Variants in ZNF229 observed in about 807,000 individuals in gnomAD.
ZNF229 encodes zinc finger protein 229.
Under a neutral mutation model 11.8 loss-of-function variants are expected in ZNF229, and 10 were observed. The ratio of observed to expected loss-of-function variants is 0.85; its 90% CI spans 0.52 to 1.44. The LOEUF (loss-of-function observed/expected upper bound fraction) is 1.44, where lower values mean the gene tolerates loss of function less well. Among genes scored for constraint, ZNF229 ranks in the 40% most tolerant of loss-of-function variants. The pLI is 0.00. For synonymous variants in ZNF229, 368 were observed against 374.8 expected, an observed-to-expected ratio of 0.98 and a Z score of 0.21; for missense variants, 1,045 against 1,015.1, an observed-to-expected ratio of 1.03 and a Z score of -0.40.
Position 44,428,129 on chromosome 19 carries a change from GCTAAC to G in ZNF229, c.*169_*173del. 1 of 673,764 alleles carries G rather than the reference GCTAAC, an allele frequency of 1.5e-6. No individual in the cohort carries two copies. The highest frequency in any genetic ancestry group is 2.4e-6 in the Non-Finnish European group (1 of 411,330). The allele number at this position is 673,764 out of a possible 1,614,324, so 41.7% of individuals were successfully genotyped here. ...AAAGACTGAAGTTTGTAACTGAAGT[GCTAAC>G]CTATTTATCACACATCCAGGTGTTC... On this transcript the variant is annotated 3_prime_UTR_variant, in exon 6 of 6. Coordinates refer to ENST00000614049, the MANE Select transcript of ZNF229 (RefSeq NM_014518.4).
rs1971667397 is a variant in ZNF229 at position 44,429,550 on chromosome 19, CA to C, written c.1230del (p.Cys410TrpfsTer410). 1 of 1,613,666 alleles carries C rather than the reference CA, an allele frequency of 6.2e-7. No individual in the cohort carries two copies. The highest frequency in any genetic ancestry group is 8.5e-7 in the Non-Finnish European group (1 of 1,179,854). On this transcript the variant is annotated frameshift_variant, in exon 6 of 6. Transcript: ENST00000614049. LOFTEE classifies it low-confidence loss of function (END_TRUNC). ...TGEKPYKCSE[C>X]GKGFSYSSVL... ...ACTGAGCTGTAACTGAAGCCCTTCCCACACTCGCTGCATTTATATGGTTTCT... is the reference window on the plus strand; with the variant it reads ...ACTGAGCTGTAACTGAAGCCCTTCCCCACTCGCTGCATTTATATGGTTTCT...
At chr19:44,437,492 A>G (rs1327153804) in intron 4 of ZNF229, among the ~76,000 whole-genome samples, 1 of 152,230 alleles carries the variant, frequency 6.6e-6, no homozygotes, top group Non-Finnish European at 1.5e-5. Context: ...GTTGTGGAGA[A>G]AAAAGAACAT....
chr19:44,432,395 TCTA>T, intron 4 of ZNF229, 29 bp from the exon 5 acceptor site: 1 of 1,608,896 alleles, frequency 6.2e-7, no homozygotes, highest in Non-Finnish European at 8.5e-7. Flanking sequence ...AACACAAACA[TCTA>T]CTAGATGAAG....
chr19:44,440,324 GAGAGAA>G (rs976126061), intron 4 of ZNF229, among the ~76,000 whole-genome samples: 3 of 151,828 alleles, frequency 2.0e-5, no homozygotes, highest in African/African-American at 7.2e-5. Context: ...AAGAAGGAAG[GAGAGAA>G]AGAGAAAGAG....
rs1971626130 is a variant in ZNF229 at position 44,428,520 on chromosome 19, T to G, written c.2261A>C (p.His754Pro). ...GTGGACCCTCTGATGACCTTGAAGA[T>G]GTGAGCTCTGACTATAGCCCTTCCC... ...VCGKGYSQSS[H>P]LQGHQRVHTG... Residue 754 changes from histidine to proline, a missense_variant, in exon 6 of 6, where the codon CAT (histidine) becomes CCT (proline). Coordinates refer to ENST00000614049, the MANE Select transcript of ZNF229 (RefSeq NM_014518.4). The G allele has an allele frequency of 1.9e-6, 3 of 1,613,550 alleles. No individual in the cohort carries two copies. Among genetic ancestry groups the G allele is most frequent in the African/African-American group, 2.7e-5 (2 of 74,682 alleles).
At chr19:44,443,772 C>CTAA (rs1256111668) in intron 2 of ZNF229, among the ~76,000 whole-genome samples, 1 of 152,140 alleles carries the variant, frequency 6.6e-6, no homozygotes, top group Non-Finnish European at 1.5e-5. Context: ...ACAAGTACTG[C>CTAA]TAATAATATT....
Position 44,428,174 on chromosome 19 carries a change from C to T in ZNF229, c.*129G>A. On this transcript the variant is annotated 3_prime_UTR_variant, in exon 6 of 6. Coordinates refer to ENST00000614049, the MANE Select transcript of ZNF229 (RefSeq NM_014518.4). ...TCCAGGTGTTCCCTTCCTATGCAGACTAGAAAATGTAAAATCATCAGTTTC... is the reference window on the plus strand; with the variant it reads ...TCCAGGTGTTCCCTTCCTATGCAGATTAGAAAATGTAAAATCATCAGTTTC... 9.5e-7 allele frequency: 1 copy of T among 1,055,404 alleles called. No individual in the cohort carries two copies. The highest frequency in any genetic ancestry group is 1.4e-6 in the Non-Finnish European group (1 of 737,824). The allele number at this position is 1,055,404 out of a possible 1,614,324, so 65.4% of individuals were successfully genotyped here.
At position 44,430,490 on chromosome 19, in the gene ZNF229, G is replaced by T. The variant is rs1265350127; in HGVS notation, c.291C>A (p.Phe97Leu). Reference protein sequence around the residue: ...TEYIQDEELRFFSHKELSSCK... With the variant: ...TEYIQDEELRLFSHKELSSCK... Reference sequence around the variant, plus strand: ...ATGAGGAGAGCTCTTTGTGTGAAAAGAACCTTAATTCTTCATCTTGAATAT... The same window carrying T: ...ATGAGGAGAGCTCTTTGTGTGAAAATAACCTTAATTCTTCATCTTGAATAT... Residue 97 changes from phenylalanine to leucine, a missense_variant, in exon 6 of 6, where the codon TTC becomes TTA. Phe to Leu is a conservative substitution (Grantham distance 22). Transcript: ENST00000614049. 11 of 1,613,944 alleles carry T rather than the reference G, an allele frequency of 6.8e-6. No individual in the cohort carries two copies. The highest frequency in any genetic ancestry group is 9.3e-6 in the Non-Finnish European group (11 of 1,180,018).
rs745533723 is a variant in ZNF229, at chr19:44,430,423, G to A, written c.358C>T (p.Gln120Ter). The A allele has an allele frequency of 3.1e-6, 5 of 1,614,108 alleles. No homozygotes were observed. The highest frequency in any genetic ancestry group is 4.2e-6 in the Non-Finnish European group (5 of 1,180,038). The change falls in exon 6 of 6, where the codon CAA becomes TAA. Residue 120 changes from glutamine to a stop codon, truncating the protein, a stop_gained. Transcript: ENST00000614049. LOFTEE classifies it low-confidence loss of function (END_TRUNC). ...CCTTGCAGATTTACTCTACAGTCTT[G>A]GCTCCCAGGTAATTCACCTGCCACC... ...EEVAGELPGSQDCRVNLQGKD... is the reference protein window; with the variant it reads ...EEVAGELPGS
intron 4 of ZNF229, among the ~76,000 whole-genome samples, chr19:44,439,459 T>C (rs760094392): frequency 6.6e-5 from 10 of 152,178 alleles, no homozygotes; most frequent in Admixed American, 1.3e-4. Context: ...TTTCCTTTTT[T>C]TTGAGATGGA....
rs183120208 is a variant in ZNF229 at position 44,428,727 on chromosome 19, G to A, written c.2054C>T (p.Thr685Met). The change falls in exon 6 of 6, where the codon ACG becomes ATG. Residue 685 changes from threonine to methionine, a missense_variant. Physicochemically the swap from Thr to Met is moderately conservative, Grantham distance 81. Transcript: ENST00000614049. Reference sequence around the variant, plus strand: ...GAATCCCTTGCCACACTGATCACACGTATAGGGCTTTTTTCCCGTGTGGAC... The same window carrying A: ...GAATCCCTTGCCACACTGATCACACATATAGGGCTTTTTTCCCGTGTGGAC... ...QRVHTGKKPYTCDQCGKGFSY... is the reference protein window; with the variant it reads ...QRVHTGKKPYMCDQCGKGFSY... 37 of 1,613,584 alleles carry A rather than the reference G, an allele frequency of 2.3e-5. No individual in the cohort carries two copies. The highest frequency in any genetic ancestry group is 2.0e-4 in the East Asian group (9 of 44,798).
At position 44,427,090 on chromosome 19, in the gene ZNF229, AACTC is replaced by A. The variant is rs973657446; in HGVS notation, c.*1209_*1212del. On this transcript the variant is annotated 3_prime_UTR_variant, in exon 6 of 6. Transcript: ENST00000614049. ...CCTTAAAACCATCAGCTCTCATGAG[AACTC>A]ACTATCATGAGAACAGCAAGGGAGA... 1 of 152,108 alleles carries A rather than the reference AACTC, an allele frequency of 6.6e-6. No individual in the cohort carries two copies. The highest frequency in any genetic ancestry group is 1.5e-5 in the Non-Finnish European group (1 of 68,030). The allele number at this position is 152,108 out of a possible 1,614,324, so 9.4% of individuals were successfully genotyped here.
chr19:44,432,363 G>T lies in ZNF229; in HGVS notation c.97C>A (p.Pro33Thr). Residue 33 changes from proline to threonine, a missense_variant, in exon 5 of 6, where the codon CCA becomes ACA. By Grantham distance (38) the Pro-to-Thr change is conservative (BLOSUM62 -1). Coordinates refer to ENST00000614049, the MANE Select transcript of ZNF229 (RefSeq NM_014518.4). ...ACAGCCACGTCCTTGAAGCTCAATG[G>T]CTCCTAAAATGAAAAACCATTAACA... is the stretch of plus-strand genomic sequence containing the variant. ...DREEKIMSQE[P>T]LSFKDVAVVF... 6.2e-7 allele frequency: 1 copy of T among 1,612,914 alleles called. No homozygotes were observed. The highest frequency in any genetic ancestry group is 1.1e-5 in the South Asian group (1 of 90,854).
rs904385664 is a variant in ZNF229 at position 44,442,706 on chromosome 19, T to C, written c.35-85A>G. 24 of 1,604,758 alleles carry C rather than the reference T, an allele frequency of 1.5e-5. No homozygotes were observed. The African/African-American group carries it at 3.2e-4, about 21-fold the overall frequency. Reference sequence around the variant, plus strand: ...CTACCTGGTAGGAAGGTGCCCAGCTTTACAGACTGGTTTCTTCTCACTTGA... The same window carrying C: ...CTACCTGGTAGGAAGGTGCCCAGCTCTACAGACTGGTTTCTTCTCACTTGA... On this transcript the variant is annotated intron_variant, in intron 3 of 5. Coordinates refer to ENST00000614049, the MANE Select transcript of ZNF229 (RefSeq NM_014518.4).
At position 44,442,850 on chromosome 19, in the gene ZNF229, T is replaced by G; in HGVS notation, c.-3A>C. On this transcript the variant is annotated 5_prime_UTR_variant, in exon 3 of 6. Coordinates refer to ENST00000614049, the MANE Select transcript of ZNF229 (RefSeq NM_014518.4). ...TGCCTTGAGGTCAAAGTCTCCATGG[T>G]CTCTTCTGCTAGGTTCTCTGCGAGC... 1 of 1,611,928 alleles carries G rather than the reference T, an allele frequency of 6.2e-7. No individual in the cohort carries two copies. Among genetic ancestry groups the G allele is most frequent in the Non-Finnish European group, 8.5e-7 (1 of 1,179,648 alleles).
intron 4 of ZNF229, among the ~76,000 whole-genome samples, chr19:44,437,970 G>A (rs749759850): frequency 6.6e-6 from 1 of 152,170 alleles, no homozygotes; most frequent in South Asian, 2.1e-4. Context: ...CTACTTGAGA[G>A]TGGATAGTGG....
rs866032884 is a variant in ZNF229, at chr19:44,429,795, C to G, written c.986G>C (p.Gly329Ala). Residue 329 changes from glycine to alanine, a missense_variant, in exon 6 of 6, where the codon GGC (glycine) becomes GCC (alanine). Gly to Ala is a moderately conservative substitution (Grantham distance 60). Transcript: ENST00000614049. ...ACGTATGTGCGTGTTCTGTCTGACGCCCCGACCACGCTCAAGACTCTTAAC... is the reference window on the plus strand; with the variant it reads ...ACGTATGTGCGTGTTCTGTCTGACGGCCCGACCACGCTCAAGACTCTTAAC... ...KSVKSLERGRGVRQNTHIRNH... is the reference protein window; with the variant it reads ...KSVKSLERGRAVRQNTHIRNH... 6.2e-7 allele frequency: 1 copy of G among 1,613,936 alleles called. No homozygotes were observed. The highest frequency in any genetic ancestry group is 1.7e-5 in the Admixed American group (1 of 60,002).
chr19:44,441,505 G>A (rs1452603959), intron 4 of ZNF229, among the ~76,000 whole-genome samples: 1 of 151,968 alleles, frequency 6.6e-6, no homozygotes, highest in African/African-American at 2.4e-5. Flanking sequence ...AGAAAATTAA[G>A]AAATATGTAT....
At chr19:44,442,695 G>A (rs1971934810) in intron 3 of ZNF229, 74 bp from the exon 4 acceptor site, 2 of 1,604,398 alleles carry the variant, frequency 1.2e-6, no homozygotes, top group African/African-American at 1.3e-5. Flanking sequence ...CTGGTAGGAA[G>A]GTGCCCAGCT....
Sources: allele counts gnomAD v4.1 joint callset (sites outside exome capture counted in the v4.1 genomes callset), GRCh38; gene constraint gnomAD v4.1.1; transcripts MANE v1.5; gene names NCBI Gene and HGNC (gene_info 2026-07-23, HGNC 2026-07-21).